The following DIPK1A variants were observed in gnomAD, a reference collection of about 807,000 sequenced individuals.
DIPK1A encodes divergent protein kinase domain 1A.
A neutral mutation model predicts 40.8 loss-of-function variants in DIPK1A; 27 were observed. The ratio of observed to expected loss-of-function variants is 0.66; its 90% confidence interval spans 0.49 to 0.91. The LOEUF is 0.91. Ranked by LOEUF, DIPK1A falls within the 40% of genes least tolerant of loss-of-function variation. The pLI is 0.00. For synonymous variants in DIPK1A, 166 were observed against 171.3 expected, an observed-to-expected ratio of 0.97 and a Z score of 0.24; for missense variants, 412 against 505.7, an observed-to-expected ratio of 0.81 and a Z score of 1.78.
At chr1:92,938,468 TAAA>T (rs71094215) in intron 1 of DIPK1A, among the ~76,000 whole-genome samples, 3 of 98,570 alleles carry the variant, frequency 3.0e-5, no homozygotes, top group Non-Finnish European at 2.0e-5. Flanking sequence ...AGACCTTTAC[TAAA>T]AAAAAAAAAA....
chr1:92,910,396 G>C (rs1649785090), intron 1 of DIPK1A, among the ~76,000 whole-genome samples: 1 of 152,056 alleles, frequency 6.6e-6, no homozygotes, highest in East Asian at 1.9e-4. Flanking sequence ...GTAAGCCTGA[G>C]AACATGCATC....
Position 92,851,852 on chromosome 1 carries a change from C to T in DIPK1A, c.190-897G>A, listed in dbSNP as rs539256343. 3.9e-5 allele frequency among the ~76,000 whole-genome samples: 6 copies of T among 152,300 alleles called. No homozygotes were observed. In the South Asian group the frequency reaches 1.2e-3, roughly 32 times the overall value. ...TAGGTGGTACATCTGCAGAGCACAA[C>T]CATTATCCTGGTTGCAACAAAGATT... On this transcript the variant is annotated intron_variant, in intron 2 of 4. Transcript: ENST00000370310.
At chr1:92,928,118 G>T (rs1458634368) in intron 1 of DIPK1A, among the ~76,000 whole-genome samples, 1 of 152,092 alleles carries the variant, frequency 6.6e-6, no homozygotes, top group Non-Finnish European at 1.5e-5. Flanking sequence ...GTGAACACTT[G>T]TTATTGTTCT....
chr1:92,863,536 T>G (rs927661425), intron 2 of DIPK1A, among the ~76,000 whole-genome samples: 8 of 111,644 alleles, frequency 7.2e-5, no homozygotes, highest in African/African-American at 2.8e-4. Context: ...AGTTCAAGAC[T>G]AGGCTGGGCA....
intron 1 of DIPK1A, among the ~76,000 whole-genome samples, chr1:92,935,203 C>T (rs1650901118): frequency 6.6e-6 from 1 of 152,182 alleles, no homozygotes; most frequent in Admixed American, 6.5e-5. Flanking sequence ...CTCTATTGAG[C>T]AACACTACTG....
chr1:92,903,829 CTAA>C (rs1188698528), intron 1 of DIPK1A, among the ~76,000 whole-genome samples: 2 of 152,192 alleles, frequency 1.3e-5, no homozygotes, highest in Admixed American at 1.3e-4. Flanking sequence ...AACTGCCCAT[CTAA>C]GTGTCTCAGA....
chr1:92,943,918 C>T (rs1224431998), intron 1 of DIPK1A, among the ~76,000 whole-genome samples: 1 of 152,002 alleles, frequency 6.6e-6, no homozygotes, highest in Non-Finnish European at 1.5e-5. Context: ...CTAAGATAAA[C>T]ATATAGAAAA....
intron 1 of DIPK1A, among the ~76,000 whole-genome samples, chr1:92,884,774 C>T (rs1648523235): frequency 6.6e-6 from 1 of 152,068 alleles, no homozygotes; most frequent in Non-Finnish European, 1.5e-5. Flanking sequence ...AATGCATGGT[C>T]CTTTTATACT....
intron 2 of DIPK1A, among the ~76,000 whole-genome samples, chr1:92,862,915 T>C (rs906808236): frequency 4.6e-5 from 7 of 152,218 alleles, no homozygotes; most frequent in African/African-American, 1.4e-4. Context: ...ATGTAACCTT[T>C]TCCAGAAAGC....
chr1:92,915,108 GACAC>G, intron 1 of DIPK1A, among the ~76,000 whole-genome samples: 1 of 136,526 alleles, frequency 7.3e-6, no homozygotes, highest in African/African-American at 2.8e-5. Context: ...AAAAAAAAAG[GACAC>G]ACACACACAC....
chr1:92,932,084 T>C (rs755806144), intron 1 of DIPK1A: 6 of 415,528 alleles, frequency 1.4e-5, no homozygotes, highest in Non-Finnish European at 2.4e-5. Context: ...TCTGACTACA[T>C]AGATTAAAAT....
In DIPK1A at chr1:92,961,368, C is replaced by T. The variant is rs1272699444; in HGVS notation, c.54+8G>A. 6 of 1,509,882 alleles carry T rather than the reference C, an allele frequency of 4.0e-6. No homozygotes were observed. Among genetic ancestry groups the T allele is most frequent in the Admixed American group, 1.9e-5 (1 of 51,306 alleles). 93.5% of individuals were successfully genotyped at this position (1,509,882 alleles called of 1,614,324 possible). ...CCGCAGCTGGTGGCTGGGCGGCCGC[C>T]GGCCTACCTGGAGGTAATAGGGTTT... On this transcript the variant is annotated splice_region_variant and intron_variant, in intron 1 of 4. Coordinates refer to ENST00000370310, the MANE Select transcript of DIPK1A (RefSeq NM_001006605.5).
chr1:92,884,406 TCA>T (rs1215758277), intron 1 of DIPK1A, among the ~76,000 whole-genome samples: 1 of 151,972 alleles, frequency 6.6e-6, no homozygotes, highest in East Asian at 1.9e-4. Flanking sequence ...TGAGCCATGT[TCA>T]CACCACTGCA....
intron 2 of DIPK1A, among the ~76,000 whole-genome samples, chr1:92,870,058 C>CT (rs1353886041): frequency 1.4e-5 from 2 of 139,038 alleles, no homozygotes; most frequent in African/African-American, 5.5e-5. Flanking sequence ...CAATAAAAAA[C>CT]TTACATGAAT....
Position 92,843,442 on chromosome 1 carries a change from T to C in DIPK1A, c.1228A>G (p.Ile410Val), listed in dbSNP as rs1485300770. Residue 410 changes from isoleucine to valine, a missense_variant, in exon 5 of 5, where the codon ATA becomes GTA. Physicochemically the swap from Ile to Val is conservative, Grantham distance 29. Coordinates refer to ENST00000370310, the MANE Select transcript of DIPK1A (RefSeq NM_001006605.5). Reference sequence around the variant, plus strand: ...AATAATGTTTTTAGGTTATTTAGTATCAAAGAATGTTCCATTTCCATTTGA... The same window carrying C: ...AATAATGTTTTTAGGTTATTTAGTACCAAAGAATGTTCCATTTCCATTTGA... ...ANQMEMEHSL[I>V]LNNLKTLLWK... 1.9e-6 allele frequency: 3 copies of C among 1,551,050 alleles called. No homozygotes were observed. The highest frequency in any genetic ancestry group is 2.0e-5 in the Admixed American group (1 of 51,000).
rs1485415271 is a variant in DIPK1A at position 92,934,488 on chromosome 1, A to G, written c.54+26888T>C. Among the ~76,000 whole-genome samples the G allele has an allele frequency of 3.3e-5, 5 of 152,326 alleles. No individual in the cohort carries two copies. In the East Asian group the frequency reaches 7.7e-4, roughly 23 times the overall value. Reference sequence around the variant, plus strand: ...CTAGTTTAAAATCAAAAAGTTATGCATGAGAAAAGCTAAAATGACAAATCT... The same window carrying G: ...CTAGTTTAAAATCAAAAAGTTATGCGTGAGAAAAGCTAAAATGACAAATCT... On this transcript the variant is annotated intron_variant, in intron 1 of 4. Transcript: ENST00000370310.
At chr1:92,913,178 T>C (rs934470092) in intron 1 of DIPK1A, among the ~76,000 whole-genome samples, 2 of 152,182 alleles carry the variant, frequency 1.3e-5, no homozygotes, top group African/African-American at 4.8e-5. Context: ...TTTTTTAAAA[T>C]CAAGTCACCA....
At chr1:92,897,972 A>G (rs1649250106) in intron 1 of DIPK1A, among the ~76,000 whole-genome samples, 2 of 152,070 alleles carry the variant, frequency 1.3e-5, no homozygotes, top group Admixed American at 6.6e-5. Context: ...GGTGGCGTGC[A>G]CCTATAGTCT....
chr1:92,938,468 TAA>T (rs71094215), intron 1 of DIPK1A, among the ~76,000 whole-genome samples: 6 of 98,568 alleles, frequency 6.1e-5, no homozygotes, highest in East Asian at 3.4e-4. Flanking sequence ...AGACCTTTAC[TAA>T]AAAAAAAAAA....
Sources: gnomAD v4.1 joint callset for allele counts (sites outside exome capture counted in the v4.1 genomes callset) on GRCh38, gnomAD v4.1.1 for gene constraint, MANE v1.5 for transcripts, NCBI Gene and HGNC (gene_info 2026-07-23, HGNC 2026-07-21) for gene names.